The following LARP1B variants were observed in gnomAD, a reference collection of about 807,000 sequenced individuals.
LARP1B encodes the protein La ribonucleoprotein 1B, also known as la-related protein 1B.
In LARP1B, 76 loss-of-function variants were observed where a neutral mutation model predicts 114.2. The ratio of observed to expected loss-of-function variants is 0.67; its 90% CI spans 0.55 to 0.81. The LOEUF (loss-of-function observed/expected upper bound fraction) is 0.81, where lower values mean the gene tolerates loss of function less well. LARP1B is among the 30% of genes least tolerant of loss of function. The probability of loss-of-function intolerance (pLI) is 0.00; values close to 1 mark genes in which losing one functional copy is unlikely to be tolerated. For synonymous variants in LARP1B, 345 were observed against 348.0 expected (o/e 0.99, Z 0.10); for missense variants, 1,014 against 1,075.8 (o/e 0.94, Z 0.80).
At chr4:128,081,128 GAGTGC>G (rs1168544049) in intron 4 of LARP1B, among the ~76,000 whole-genome samples, 23 of 148,150 alleles carry the variant, frequency 1.6e-4, no homozygotes, top group Admixed American at 8.2e-4. Context: ...ACCCAGGCTA[GAGTGC>G]AGTGGCACGA....
At chr4:128,082,410 A>G in intron 5 of LARP1B, 105 bp downstream of exon 5, 1 of 995,226 alleles carries the variant, frequency 1.0e-6, no homozygotes, top group African/African-American at 1.6e-5. Flanking sequence ...AGTTGAAGAC[A>G]TCATGTCCCT....
chr4:128,065,273 C>CTTTCTTTG (rs1762081209), intron 1 of LARP1B, among the ~76,000 whole-genome samples: 1 of 116,068 alleles, frequency 8.6e-6, no homozygotes, highest in East Asian at 2.3e-4. Flanking sequence ...TTCTTTCTTT[C>CTTTCTTTG]TTTCTTTCTT....
intron 18 of LARP1B, chr4:128,206,938 T>C (rs1757772281): frequency 1.5e-6 from 1 of 674,462 alleles, no homozygotes; most frequent in Non-Finnish European, 1.8e-6. Context: ...TTAGAAGCTA[T>C]GTGATTGTGG....
At chr4:128,127,800 A>G (rs1790140338) in intron 11 of LARP1B, among the ~76,000 whole-genome samples, 1 of 152,282 alleles carries the variant, frequency 6.6e-6, no homozygotes, top group African/African-American at 2.4e-5. Context: ...CGCCATTGCA[A>G]TCCATCCTGG....
At chr4:128,142,083 T>G (rs1383241705) in intron 11 of LARP1B, among the ~76,000 whole-genome samples, 1 of 152,194 alleles carries the variant, frequency 6.6e-6, no homozygotes. Flanking sequence ...GTAAACTTCC[T>G]GTCTCCTCAC....
chr4:128,120,095 G>A (rs114023455), intron 10 of LARP1B, among the ~76,000 whole-genome samples: 3,625 of 152,058 alleles, frequency 0.024, 125 homozygotes, highest in African/African-American at 0.083. Context: ...AAACATCTTG[G>A]GTAGTCTTCT....
At chr4:128,196,609 T>C (rs1754223718) in intron 15 of LARP1B, among the ~76,000 whole-genome samples, 1 of 151,680 alleles carries the variant, frequency 6.6e-6, no homozygotes, top group Non-Finnish European at 1.5e-5. Context: ...GTTTTTTTTT[T>C]TCGGACACGG....
At position 128,178,536 on chromosome 4, in the gene LARP1B, A is replaced by G. The variant is rs1339743855; in HGVS notation, c.1790A>G (p.His597Arg). 1 of 1,614,102 alleles carries G rather than the reference A, an allele frequency of 6.2e-7. No individual in the cohort carries two copies. The highest frequency in any genetic ancestry group is 1.7e-5 in the Admixed American group (1 of 60,014). ...GCAGTTCCAGAATCTCCTAGAATTC[A>G]TCCTACAAGAACACCCAAAACACCT... ...PTAVPESPRIHPTRTPKTPRT... is the reference protein window; with the variant it reads ...PTAVPESPRIRPTRTPKTPRT... The change falls in exon 14 of 20, where the codon CAT becomes CGT. Residue 597 changes from histidine (H) to arginine (R), a missense_variant. Coordinates refer to ENST00000326639, the MANE Select transcript of LARP1B (RefSeq NM_018078.4).
chr4:128,185,542 T>TTG (rs1193463056), intron 15 of LARP1B, among the ~76,000 whole-genome samples: 2 of 151,736 alleles, frequency 1.3e-5, no homozygotes, highest in African/African-American at 4.8e-5. Context: ...TTGTTTTTTT[T>TTG]TTTCTACTGA....
intron 11 of LARP1B, among the ~76,000 whole-genome samples, chr4:128,139,157 A>C (rs746589293): frequency 6.6e-6 from 1 of 152,152 alleles, no homozygotes; most frequent in Non-Finnish European, 1.5e-5. Context: ...ATAGAAGAAA[A>C]TAAAGAAAAA....
In LARP1B at chr4:128,072,063, G is replaced by A. The variant is rs1009579452; in HGVS notation, c.-77-2397G>A. Among the ~76,000 whole-genome samples, 6 of 151,456 alleles carry A rather than the reference G, an allele frequency of 4.0e-5. No individual in the cohort carries two copies. The South Asian group carries it at 6.2e-4, about 16-fold the overall frequency. ...TCCTCAGGCTGGAGTGTGGTGGTGC[G>A]ATCTCGGCTCACTGCAACCTCTACC... On this transcript the variant is annotated intron_variant, in intron 1 of 19. Transcript: ENST00000326639.
intron 11 of LARP1B, among the ~76,000 whole-genome samples, chr4:128,131,897 G>A (rs1323734856): frequency 6.6e-6 from 1 of 152,166 alleles, no homozygotes; most frequent in South Asian, 2.1e-4. Context: ...TAATAAAGAA[G>A]ACAGATATAC....
rs371616193 is a variant in LARP1B, at chr4:128,159,632, G to A, written c.1525-2562G>A. On this transcript the variant is annotated intron_variant, in intron 11 of 19. Transcript: ENST00000326639. ...TTGCAGTTCATGAACCTACCTAGATGCATCATTCTCACTAAAAGTTTATAG... is the reference window on the plus strand; with the variant it reads ...TTGCAGTTCATGAACCTACCTAGATACATCATTCTCACTAAAAGTTTATAG... Among the ~76,000 whole-genome samples, 5 of 152,232 alleles carry A rather than the reference G, an allele frequency of 3.3e-5. No individual in the cohort carries two copies. The East Asian group carries it at 9.7e-4, about 29-fold the overall frequency.
chr4:128,098,769 T>A (rs1031622942), intron 8 of LARP1B, among the ~76,000 whole-genome samples: 2,498 of 12,638 alleles, frequency 0.2, 144 homozygotes, highest in Middle Eastern at 0.3. Flanking sequence ...ATATATATAT[T>A]TTTTTTTTTT....
At chr4:128,208,836 G>A (rs903760130) in intron 19 of LARP1B, among the ~76,000 whole-genome samples, 2 of 152,146 alleles carry the variant, frequency 1.3e-5, no homozygotes, top group African/African-American at 4.8e-5. Flanking sequence ...TCTCATCATA[G>A]GAATTCTAGA....
intron 11 of LARP1B, among the ~76,000 whole-genome samples, chr4:128,159,105 C>G (rs908279721): frequency 1.4e-5 from 2 of 148,092 alleles, no homozygotes; most frequent in African/African-American, 5.0e-5. Context: ...CCCAGGAGTT[C>G]AAGGCTACAG....
chr4:128,126,143 A>G (rs908634575), intron 11 of LARP1B, among the ~76,000 whole-genome samples: 1 of 114,878 alleles, frequency 8.7e-6, no homozygotes, highest in African/African-American at 3.5e-5. Context: ...TTTTTTTGAG[A>G]TGGAGTCTCT....
At chr4:128,064,201 G>C (rs1416938704) in intron 1 of LARP1B, among the ~76,000 whole-genome samples, 1 of 149,296 alleles carries the variant, frequency 6.7e-6, no homozygotes, top group African/African-American at 2.5e-5. Context: ...GAACCCGGGA[G>C]ACGGAGGTTG....
chr4:128,210,112 C>G lies in LARP1B; in HGVS notation c.*59C>G. 1 of 1,606,968 alleles carries G rather than the reference C, an allele frequency of 6.2e-7. No individual in the cohort carries two copies. The highest frequency in any genetic ancestry group is 8.5e-7 in the Non-Finnish European group (1 of 1,175,288). On this transcript the variant is annotated 3_prime_UTR_variant, in exon 20 of 20. Coordinates refer to ENST00000326639, the MANE Select transcript of LARP1B (RefSeq NM_018078.4). Reference sequence around the variant, plus strand: ...TGGTGAAATGCCTGAGAAATAGACTCTTATGAAAGTTCTTTGTCCTTGAAG... The same window carrying G: ...TGGTGAAATGCCTGAGAAATAGACTGTTATGAAAGTTCTTTGTCCTTGAAG...
Sources: gnomAD v4.1 joint callset for allele counts (sites outside exome capture counted in the v4.1 genomes callset) on GRCh38, gnomAD v4.1.1 for gene constraint, MANE v1.5 for transcripts, NCBI Gene and HGNC (gene_info 2026-07-23, HGNC 2026-07-21) for gene names.